The following AGO3 variants were observed in gnomAD, a reference collection of about 807,000 sequenced individuals.
AGO3 encodes the protein protein argonaute-3.
Under a neutral mutation model 105.5 loss-of-function variants are expected in AGO3, and 16 were observed. The ratio of observed to expected loss-of-function variants is 0.15; its 90% CI spans 0.10 to 0.23. The LOEUF (loss-of-function observed/expected upper bound fraction) is 0.23. Ranked by LOEUF, AGO3 falls within the 10% of genes least tolerant of loss-of-function variation. The pLI, the probability that AGO3 is intolerant of heterozygous loss-of-function variation, is 1.00. For synonymous variants in AGO3, 340 were observed against 367.3 expected, an observed-to-expected ratio of 0.93 and a Z score of 0.85; for missense variants, 534 against 1,088.0, an observed-to-expected ratio of 0.49 and a Z score of 7.16.
At chr1:35,947,108 T>C (rs1646380964) in intron 2 of AGO3, among the ~76,000 whole-genome samples, 1 of 152,034 alleles carries the variant, frequency 6.6e-6, no homozygotes, top group Admixed American at 6.5e-5. Context: ...ATTTTATTTA[T>C]TTATTTATTT....
chr1:35,997,130 T>A (rs1639866304), intron 5 of AGO3, among the ~76,000 whole-genome samples: 1 of 151,748 alleles, frequency 6.6e-6, no homozygotes, highest in African/African-American at 2.4e-5. Context: ...ATAGAAAAAA[T>A]TAGACGGGTG....
chr1:36,036,610 G>C (rs1642021125), intron 14 of AGO3, among the ~76,000 whole-genome samples: 1 of 152,116 alleles, frequency 6.6e-6, no homozygotes, highest in Non-Finnish European at 1.5e-5. Context: ...CTACATATAA[G>C]CTTGGTGGAT....
intron 2 of AGO3, among the ~76,000 whole-genome samples, chr1:35,958,681 A>G (rs1201770284): frequency 1.3e-5 from 2 of 152,116 alleles, no homozygotes; most frequent in African/African-American, 4.8e-5. Context: ...AAGATCTAAA[A>G]TATAATCCCT....
At chr1:36,041,830 G>A (rs911219199) in intron 16 of AGO3, among the ~76,000 whole-genome samples, 5 of 151,966 alleles carry the variant, frequency 3.3e-5, no homozygotes, top group African/African-American at 1.2e-4. Flanking sequence ...TTGGGTTGTC[G>A]GGAGAATTAA....
At chr1:35,943,176 T>G (rs1441022907) in intron 1 of AGO3, among the ~76,000 whole-genome samples, 1 of 152,050 alleles carries the variant, frequency 6.6e-6, no homozygotes, top group Non-Finnish European at 1.5e-5. Flanking sequence ...GGTAATTTTT[T>G]TGTATTTTTT....
intron 17 of AGO3, among the ~76,000 whole-genome samples, chr1:36,047,985 G>A (rs918776754): frequency 3.3e-5 from 5 of 152,082 alleles, no homozygotes; most frequent in African/African-American, 1.2e-4. Context: ...ACCCTAAAAG[G>A]TTCTTCCCAA....
Position 36,055,519 on chromosome 1 carries a change from T to TA in AGO3, c.2475-117dup. ...GCTGAGTGATGGACACATAGATTGT[T>TA]ACACCAGTCTCTTATTTGTTAATAA... is the stretch of plus-strand genomic sequence containing the variant. On this transcript the variant is annotated intron_variant, in intron 18 of 18. Coordinates refer to ENST00000373191, the MANE Select transcript of AGO3 (RefSeq NM_024852.4). The surrounding 1 kb of genome is among the most constrained non-coding windows in gnomAD (Gnocchi z 4.4). The TA allele has an allele frequency of 1.1e-6, 1 of 952,140 alleles. No individual in the cohort carries two copies. Among genetic ancestry groups the TA allele is most frequent in the Non-Finnish European group, 1.6e-6 (1 of 619,660 alleles). The allele number at this position is 952,140 out of a possible 1,614,324, so 59.0% of individuals were successfully genotyped here.
intron 2 of AGO3, among the ~76,000 whole-genome samples, chr1:35,956,675 C>G (rs1646572219): frequency 6.7e-6 from 1 of 148,536 alleles, no homozygotes; most frequent in Non-Finnish European, 1.5e-5. Context: ...GAGTCTCGCT[C>G]TGTCGCCCAG....
intron 16 of AGO3, among the ~76,000 whole-genome samples, chr1:36,043,086 T>A (rs1305195304): frequency 6.6e-6 from 1 of 152,192 alleles, no homozygotes. Flanking sequence ...TAAATGCTGA[T>A]CTTCATAAAT....
intron 3 of AGO3, among the ~76,000 whole-genome samples, chr1:35,967,652 A>G (rs1405168540): frequency 2.0e-5 from 3 of 152,028 alleles, no homozygotes; most frequent in South Asian, 2.1e-4. Flanking sequence ...TCTGACCTCA[A>G]GTAATCCACC....
intron 5 of AGO3, among the ~76,000 whole-genome samples, chr1:36,002,458 T>A (rs1407412220): frequency 6.7e-6 from 1 of 150,064 alleles, no homozygotes; most frequent in Non-Finnish European, 1.5e-5. Context: ...GCCTCCTGAG[T>A]AGCTGGGATT....
intron 5 of AGO3, among the ~76,000 whole-genome samples, chr1:35,993,165 A>G (rs1385807105): frequency 1.3e-5 from 2 of 152,228 alleles, no homozygotes; most frequent in African/African-American, 2.4e-5. Flanking sequence ...TGTGAATCCC[A>G]TATGTCAAGA....
chr1:35,987,726 A>AG (rs1647254224), intron 5 of AGO3, among the ~76,000 whole-genome samples: 1 of 151,754 alleles, frequency 6.6e-6, no homozygotes, highest in African/African-American at 2.4e-5. Flanking sequence ...ATGTGAGCAA[A>AG]GTATAACGTG....
intron 2 of AGO3, among the ~76,000 whole-genome samples, chr1:35,960,133 C>T (rs530944037): frequency 1.3e-5 from 2 of 152,128 alleles, no homozygotes; most frequent in East Asian, 3.9e-4. Flanking sequence ...CAAGTTTCAT[C>T]GTAATATAAT....
intron 5 of AGO3, among the ~76,000 whole-genome samples, chr1:35,996,807 G>T (rs966862133): frequency 6.6e-6 from 1 of 151,408 alleles, no homozygotes; most frequent in African/African-American, 2.4e-5. Flanking sequence ...TGGCCAGTGA[G>T]CCCTTGAGAA....
intron 1 of AGO3, among the ~76,000 whole-genome samples, chr1:35,945,277 A>G (rs973664880): frequency 1.3e-5 from 2 of 150,916 alleles, no homozygotes; most frequent in African/African-American, 4.9e-5. Context: ...TCGTGTTACT[A>G]TCATAGCTCA....
chr1:36,043,871 A>AG (rs891969862), intron 17 of AGO3, among the ~76,000 whole-genome samples: 23 of 152,052 alleles, frequency 1.5e-4, no homozygotes, highest in Admixed American at 5.9e-4. Context: ...TTAAAAAAAA[A>AG]AGAGAGAGAG....
intron 2 of AGO3, among the ~76,000 whole-genome samples, chr1:35,951,489 C>T (rs561723752): frequency 3.9e-5 from 6 of 152,218 alleles, no homozygotes; most frequent in African/African-American, 1.4e-4. Flanking sequence ...CCTTGACCTC[C>T]CTGGGCTCAA....
At chr1:35,941,888 T>A (rs1646262387) in intron 1 of AGO3, among the ~76,000 whole-genome samples, 1 of 152,202 alleles carries the variant, frequency 6.6e-6, no homozygotes, top group African/African-American at 2.4e-5. Flanking sequence ...GCACATTGCC[T>A]GAGACATAGT....
Sources: allele counts gnomAD v4.1 joint callset (sites outside exome capture counted in the v4.1 genomes callset), GRCh38; gene constraint gnomAD v4.1.1; non-coding constraint Gnocchi (gnomAD v3.1); transcripts MANE v1.5; gene names NCBI Gene and HGNC (gene_info 2026-07-23, HGNC 2026-07-21).